The following SLC38A1 variants were observed in gnomAD, a reference collection of about 807,000 sequenced individuals.
The protein encoded by SLC38A1 is sodium-coupled neutral amino acid symporter 1.
A neutral mutation model predicts 60.3 loss-of-function variants in SLC38A1; 18 were observed. The observed-to-expected ratio is 0.30, with a 90% CI of 0.21 to 0.44. SLC38A1 has a LOEUF of 0.44. Ranked by LOEUF, SLC38A1 falls within the 20% of genes least tolerant of loss-of-function variation. SLC38A1 has a pLI of 1.00. For synonymous variants in SLC38A1, 196 were observed against 212.1 expected, an observed-to-expected ratio of 0.92 and a Z score of 0.66; for missense variants, 448 against 587.2, an observed-to-expected ratio of 0.76 and a Z score of 2.45.
intron 3 of SLC38A1, 47 bp downstream of exon 3, chr12:46,239,632 G>A (rs200691367): frequency 8.1e-6 from 13 of 1,605,856 alleles, no homozygotes; most frequent in African/African-American, 1.3e-5. Flanking sequence ...TGTGAGCCAC[G>A]AGCCATTTCT....
intron 5 of SLC38A1, among the ~76,000 whole-genome samples, chr12:46,219,921 C>A (rs1940585105): frequency 6.6e-6 from 1 of 152,216 alleles, no homozygotes; most frequent in Non-Finnish European, 1.5e-5. Context: ...ACTGAGTGAA[C>A]TCAGGGTATA....
intron 5 of SLC38A1, among the ~76,000 whole-genome samples, chr12:46,219,951 GCA>G (rs530649671): frequency 1.3e-5 from 2 of 152,136 alleles, no homozygotes; most frequent in East Asian, 1.9e-4. Flanking sequence ...GCATGTGCGC[GCA>G]CACACACACG....
intron 3 of SLC38A1, chr12:46,239,340 TCTGAGACAGAG>T: frequency 6.5e-6 from 1 of 154,994 alleles, no homozygotes; most frequent in African/African-American, 2.4e-5. Context: ...TTTTTTTTTT[TCTGAGACAGAG>T]TTTCACTCTG....
chr12:46,236,162 G>A (rs1021685734), intron 3 of SLC38A1, among the ~76,000 whole-genome samples: 1 of 152,026 alleles, frequency 6.6e-6, no homozygotes, highest in African/African-American at 2.4e-5. Context: ...ATTATTTTTA[G>A]CCCCAGTTTG....
Position 46,201,161 on chromosome 12 carries a change from A to C in SLC38A1, c.940T>G (p.Ser314Ala). The part of the protein sequence containing the change: ...QKKMQMVSNI[S>A]FFAMFVMYFL... ...TACATAACAAACATGGCGAAAAAGGAGATGTTTGAAACCATCTGCATTTTT... is the reference window on the plus strand; with the variant it reads ...TACATAACAAACATGGCGAAAAAGGCGATGTTTGAAACCATCTGCATTTTT... The change falls in exon 13 of 17, where the codon TCC becomes GCC. Residue 314 changes from serine to alanine, a missense_variant. By Grantham distance (99) the Ser-to-Ala change is moderately conservative. Transcript: ENST00000398637. 1 of 1,613,620 alleles carries C rather than the reference A, an allele frequency of 6.2e-7. No homozygotes were observed. The highest frequency in any genetic ancestry group is 8.5e-7 in the Non-Finnish European group (1 of 1,179,758).
rs142103829 is a variant in SLC38A1, at chr12:46,196,192, T to C, written c.1362+1528A>G. 7.8e-4 allele frequency: 1,205 copies of C among 1,536,070 alleles called. 13 individuals are homozygous for C. In the African/African-American group the frequency reaches 0.014, roughly 18 times the overall value. On this transcript the variant is annotated intron_variant, in intron 16 of 16. Transcript: ENST00000398637. ...ATTATAAGTTCCTTGCGCTTGAGCA[T>C]GTTCAGTGAGAGCGCTGCAGGGAGA...
chr12:46,214,569 T>C (rs1940319335), intron 5 of SLC38A1, among the ~76,000 whole-genome samples: 1 of 152,210 alleles, frequency 6.6e-6, no homozygotes, highest in South Asian at 2.1e-4. Flanking sequence ...ATTGAAATGT[T>C]CTATACCATG....
At chr12:46,257,506 C>T (rs1384452896) in intron 1 of SLC38A1, among the ~76,000 whole-genome samples, 1 of 152,110 alleles carries the variant, frequency 6.6e-6, no homozygotes, top group Non-Finnish European at 1.5e-5. Context: ...ACCCAGGTAC[C>T]CCACCACTTA....
chr12:46,251,086 T>C (rs1245307240), intron 1 of SLC38A1, among the ~76,000 whole-genome samples: 3 of 152,188 alleles, frequency 2.0e-5, no homozygotes, highest in Non-Finnish European at 4.4e-5. Flanking sequence ...GCTACCTGAC[T>C]TCAAACTATG....
At position 46,201,129 on chromosome 12, in the gene SLC38A1, C is replaced by G. The variant is rs1479986058; in HGVS notation, c.972G>C (p.Leu324Phe). 1 of 1,613,186 alleles carries G rather than the reference C, an allele frequency of 6.2e-7. No homozygotes were observed. The highest frequency in any genetic ancestry group is 8.5e-7 in the Non-Finnish European group (1 of 1,179,596). Residue 324 changes from leucine to phenylalanine, a missense_variant, in exon 13 of 17, where the codon TTG becomes TTC. Transcript: ENST00000398637. ...ATGTCAAGTAGCCAAAAATGGCAGT[C>G]AAGAAGTACATAACAAACATGGCGA... ...SFFAMFVMYF[L>F]TAIFGYLTFY...
chr12:46,218,604 A>G (rs1023982358), intron 5 of SLC38A1, among the ~76,000 whole-genome samples: 2 of 152,224 alleles, frequency 1.3e-5, no homozygotes, highest in South Asian at 2.1e-4. Context: ...GTAGTCGCCC[A>G]ATGGGTTCAC....
At chr12:46,236,241 T>TA (rs1491135740) in intron 3 of SLC38A1, among the ~76,000 whole-genome samples, 1 of 152,190 alleles carries the variant, frequency 6.6e-6, no homozygotes, top group East Asian at 1.9e-4. Context: ...TGCAATTTTT[T>TA]ATGTGTGAAA....
chr12:46,246,543 G>T (rs1474337284), intron 1 of SLC38A1, among the ~76,000 whole-genome samples: 1 of 152,250 alleles, frequency 6.6e-6, no homozygotes, highest in East Asian at 1.9e-4. Context: ...GCGGAGCAAG[G>T]CTTGCTGTCT....
intron 5 of SLC38A1, among the ~76,000 whole-genome samples, chr12:46,226,304 GA>G (rs143155377): frequency 0.019 from 2,874 of 150,810 alleles, 69 homozygotes; most frequent in African/African-American, 0.061. Context: ...TCATAATGCA[GA>G]AAAAAAACTA....
intron 5 of SLC38A1, among the ~76,000 whole-genome samples, chr12:46,227,977 A>C (rs1940929663): frequency 6.6e-6 from 1 of 152,136 alleles, no homozygotes; most frequent in African/African-American, 2.4e-5. Context: ...AAAAATCACC[A>C]TAGAAATATG....
intron 4 of SLC38A1, 25 bp from the exon 5 acceptor site, chr12:46,229,293 A>C: frequency 6.8e-7 from 1 of 1,477,534 alleles, no homozygotes; most frequent in Non-Finnish European, 9.4e-7. Flanking sequence ...AAACATTGAC[A>C]CTAAGCAAAA....
At chr12:46,204,190 A>T in intron 11 of SLC38A1, 111 bp downstream of exon 11, 1 of 734,494 alleles carries the variant, frequency 1.4e-6, no homozygotes, top group African/African-American at 1.7e-5. Flanking sequence ...CAATGGTATC[A>T]TGTGTTCTTT....
At chr12:46,230,523 A>C (rs12312697) in intron 3 of SLC38A1, among the ~76,000 whole-genome samples, 2,609 of 152,336 alleles carry the variant, frequency 0.017, 102 homozygotes, top group African/African-American at 0.06. Flanking sequence ...CTTAAATGAG[A>C]GAGTACATGT....
At chr12:46,205,216 A>T (rs79218001) in intron 9 of SLC38A1, among the ~76,000 whole-genome samples, 3 of 152,152 alleles carry the variant, frequency 2.0e-5, no homozygotes, top group Non-Finnish European at 4.4e-5. Context: ...CCAGGGGAAG[A>T]GCTTTTCTCT....
Sources: allele counts gnomAD v4.1 joint callset (sites outside exome capture counted in the v4.1 genomes callset), GRCh38; gene constraint gnomAD v4.1.1; transcripts MANE v1.5; gene names NCBI Gene and HGNC (gene_info 2026-07-23, HGNC 2026-07-21).